Variants in LRRN2 observed in about 807,000 individuals in gnomAD.
LRRN2 encodes leucine-rich repeat neuronal protein 2.
Under a neutral mutation model 35.7 loss-of-function variants are expected in LRRN2, and 10 were observed. The observed-to-expected ratio is 0.28, with a 90% CI of 0.17 to 0.47. LRRN2 has a LOEUF of 0.47. LRRN2 is among the 20% of genes least tolerant of loss of function. The pLI, the probability that LRRN2 is intolerant of heterozygous loss-of-function variation, is 0.99. For missense variants in LRRN2, 731 were observed against 940.3 expected (o/e 0.78, Z 2.91); for synonymous variants, 391 against 409.6 (o/e 0.95, Z 0.55).
intron 1 of LRRN2, 124 bp from the exon 2 acceptor site, chr1:204,620,342 C>T (rs1666790765): frequency 1.3e-5 from 6 of 454,644 alleles, no homozygotes; most frequent in Non-Finnish European, 1.4e-5. Context: ...GCGGTGCACT[C>T]AGCTGACTGC....
At chr1:204,626,327 G>T (rs1371975850) in intron 1 of LRRN2, among the ~76,000 whole-genome samples, 1 of 151,886 alleles carries the variant, frequency 6.6e-6, no homozygotes, top group Non-Finnish European at 1.5e-5. Flanking sequence ...TTCTGGCCTT[G>T]TCCTGTACGG....
Position 204,619,405 on chromosome 1 carries a change from A to T in LRRN2, c.588T>A (p.Ile196=). Residue 196 remains isoleucine (I), a synonymous_variant, in exon 2 of 2, where the codon ATT becomes ATA. Transcript: ENST00000367177. ...EMLPNLEILM[I]GGNKVDAILD... ...GGATGGCATCTACCTTGTTGCCGCC[A>T]ATCATGAGTATCTCCAAGTTGGGCA... 2 of 1,614,216 alleles carry T rather than the reference A, an allele frequency of 1.2e-6. No individual in the cohort carries two copies. The highest frequency in any genetic ancestry group is 1.7e-6 in the Non-Finnish European group (2 of 1,180,016).
Position 204,630,785 on chromosome 1 carries a change from G to A in LRRN2, c.-226-10567C>T, listed in dbSNP as rs147436086. ...GCACTCCCCCTTGCCAGGGCAGGCC[G>A]GTGGACAGTGTTTCTCAGAGGCTGC... On this transcript the variant is annotated intron_variant, in intron 1 of 1. Coordinates refer to ENST00000367177, the MANE Select transcript of LRRN2 (RefSeq NM_201630.2). 3.9e-4 allele frequency among the ~76,000 whole-genome samples: 60 copies of A among 152,190 alleles called. 1 individual carries two copies. The highest frequency in any genetic ancestry group is 1.3e-3 in the African/African-American group (53 of 41,528).
At position 204,619,935 on chromosome 1, in the gene LRRN2, C is replaced by T. The variant is rs1190563109; in HGVS notation, c.58G>A (p.Val20Met). The T allele has an allele frequency of 2.7e-5, 43 of 1,613,430 alleles. No individual in the cohort carries two copies. Among genetic ancestry groups the T allele is most frequent in the Non-Finnish European group, 3.6e-5 (43 of 1,179,900 alleles). The change falls in exon 2 of 2, where the codon GTG (valine) becomes ATG (methionine). Residue 20 changes from valine to methionine, a missense_variant. Physicochemically the swap from Val to Met is conservative, Grantham distance 21. Transcript: ENST00000367177. ...LAWVAGATAA[V>M]PVVPWHVPCP... is the part of the protein sequence containing the mutation. ...GGAACATGCCAGGGTACCACGGGCA[C>T]AGCGGCAGTGGCACCAGCCACCCAA...
intron 1 of LRRN2, among the ~76,000 whole-genome samples, chr1:204,651,120 T>C (rs6593889): frequency 0.029 from 4,476 of 152,288 alleles, 223 homozygotes; most frequent in African/African-American, 0.095. Context: ...TCTGATATCC[T>C]GTTGCTGGTT....
intron 1 of LRRN2, among the ~76,000 whole-genome samples, chr1:204,634,112 CTAAT>C (rs1327974166): frequency 1.3e-5 from 2 of 152,210 alleles, no homozygotes; most frequent in South Asian, 2.1e-4. Context: ...TGAAATTAAA[CTAAT>C]TAAGAGCAAG....
At chr1:204,671,642 TA>T (rs35192809) in intron 1 of LRRN2, among the ~76,000 whole-genome samples, 1,320 of 30,174 alleles carry the variant, frequency 0.044, 50 homozygotes, top group African/African-American at 0.16. Flanking sequence ...TAATTGATGG[TA>T]AAAAAAAAAA....
chr1:204,638,233 G>T (rs1016152844), intron 1 of LRRN2, among the ~76,000 whole-genome samples: 8 of 151,964 alleles, frequency 5.3e-5, no homozygotes, highest in African/African-American at 1.9e-4. Flanking sequence ...GTGATCTGGG[G>T]CCAGGCCTCC....
intron 1 of LRRN2, among the ~76,000 whole-genome samples, chr1:204,639,785 C>T (rs1667939165): frequency 2.0e-5 from 3 of 152,146 alleles, no homozygotes; most frequent in Admixed American, 2.0e-4. Context: ...TCATAAAACT[C>T]TATTATATTA....
At chr1:204,674,501 C>A (rs1195790671) in intron 1 of LRRN2, among the ~76,000 whole-genome samples, 2 of 152,190 alleles carry the variant, frequency 1.3e-5, no homozygotes, top group Admixed American at 1.3e-4. Flanking sequence ...GGTCAAAATG[C>A]CTGGCAGAGG....
chr1:204,671,756 TAAAA>T (rs1256082525), intron 1 of LRRN2, among the ~76,000 whole-genome samples: 1 of 147,562 alleles, frequency 6.8e-6, no homozygotes, highest in Non-Finnish European at 1.5e-5. Flanking sequence ...TTTGACTGGC[TAAAA>T]AATAAGTGGT....
intron 1 of LRRN2, among the ~76,000 whole-genome samples, chr1:204,636,127 C>T (rs1235884454): frequency 2.0e-5 from 3 of 152,180 alleles, no homozygotes; most frequent in Non-Finnish European, 2.9e-5. Flanking sequence ...CCACGAGCAT[C>T]GTCATCTCCT....
chr1:204,669,267 G>C (rs1466910038), intron 1 of LRRN2, among the ~76,000 whole-genome samples: 1 of 152,244 alleles, frequency 6.6e-6, no homozygotes, highest in South Asian at 2.1e-4. Flanking sequence ...GGGAGCAGGA[G>C]TATGGTCTTC....
chr1:204,639,309 A>G lies in LRRN2; in HGVS notation c.-226-19091T>C, dbSNP rs185623298. 3.9e-5 allele frequency among the ~76,000 whole-genome samples: 6 copies of G among 152,340 alleles called. 1 individual carries two copies. The East Asian group carries it at 1.2e-3, about 29-fold the overall frequency. On this transcript the variant is annotated intron_variant, in intron 1 of 1. Transcript: ENST00000367177. ...GCCCTCCAGACATGTACAGAGAAACATCCTCCTGGGCTCAGTTTCCTCAAT... is the reference window on the plus strand; with the variant it reads ...GCCCTCCAGACATGTACAGAGAAACGTCCTCCTGGGCTCAGTTTCCTCAAT...
intron 1 of LRRN2, among the ~76,000 whole-genome samples, chr1:204,670,939 G>A (rs1401775774): frequency 6.6e-6 from 1 of 152,188 alleles, no homozygotes. Flanking sequence ...CAGTGTGGTG[G>A]CAGCAAGTGG....
intron 1 of LRRN2, among the ~76,000 whole-genome samples, chr1:204,678,748 C>T (rs987629447): frequency 7.2e-5 from 11 of 152,134 alleles, no homozygotes; most frequent in African/African-American, 2.7e-4. Context: ...TCAGATATCA[C>T]CTTCTCAGTG....
At chr1:204,620,285 TG>T (rs1666785344) in intron 1 of LRRN2, 67 bp from the exon 2 acceptor site, 1 of 1,175,478 alleles carries the variant, frequency 8.5e-7, no homozygotes, top group Non-Finnish European at 1.1e-6. Flanking sequence ...CTCCCGTGTT[TG>T]TTTGTTTGAG....
chr1:204,683,152 G>A (rs1668990669), intron 1 of LRRN2, among the ~76,000 whole-genome samples: 1 of 152,166 alleles, frequency 6.6e-6, no homozygotes, highest in Admixed American at 6.5e-5. Flanking sequence ...AGGGTTCAAG[G>A]GACACCAGGG....
intron 1 of LRRN2, among the ~76,000 whole-genome samples, chr1:204,658,267 C>T (rs973371324): frequency 6.6e-5 from 10 of 152,106 alleles, no homozygotes; most frequent in Non-Finnish European, 1.0e-4. Flanking sequence ...CATGAGCCAC[C>T]GTGCCCAGCC....
Sources: allele counts gnomAD v4.1 joint callset (sites outside exome capture counted in the v4.1 genomes callset), GRCh38; gene constraint gnomAD v4.1.1; transcripts MANE v1.5; gene names NCBI Gene and HGNC (gene_info 2026-07-23, HGNC 2026-07-21).